The following MALRD1 variants were observed in gnomAD, a reference collection of about 807,000 sequenced individuals.
MALRD1 encodes the protein MAM and LDL receptor class A domain containing 1.
In MALRD1, 247 loss-of-function variants were observed where a neutral mutation model predicts 242.1. The ratio of observed to expected loss-of-function variants is 1.02; its 90% confidence interval spans 0.92 to 1.13. The LOEUF (loss-of-function observed/expected upper bound fraction) is 1.13. Ranked by LOEUF, MALRD1 falls within the 50% of genes most tolerant of loss-of-function variation. The pLI, the probability that MALRD1 is intolerant of heterozygous loss-of-function variation, is 0.00. For synonymous variants in MALRD1, 995 were observed against 866.6 expected (o/e 1.15, Z -2.60); for missense variants, 2,989 against 2,533.1 (o/e 1.18, Z -3.86).
At position 19,103,583 on chromosome 10, in the gene MALRD1, A is replaced by G. The variant is rs538806180; in HGVS notation, c.598-396A>G. Among the ~76,000 whole-genome samples, 3 of 149,074 alleles carry G rather than the reference A, an allele frequency of 2.0e-5. No homozygotes were observed. The South Asian group carries it at 6.4e-4, about 32-fold the overall frequency. ...AAAAAAAATAAATAAAGATTTAGAG[A>G]ACCAAAGGGGAAGATGGGACACAAT... On this transcript the variant is annotated intron_variant, in intron 4 of 39. Transcript: ENST00000454679.
chr10:19,498,316 A>C (rs1005862451), intron 30 of MALRD1, among the ~76,000 whole-genome samples, 169 bp from the exon 31 acceptor site: 1 of 152,254 alleles, frequency 6.6e-6, no homozygotes, highest in Non-Finnish European at 1.5e-5. Context: ...CACTGCTTCT[A>C]GATCCTTCAA....
At chr10:19,147,450 T>C (rs570035633) in intron 11 of MALRD1, among the ~76,000 whole-genome samples, 13 of 152,340 alleles carry the variant, frequency 8.5e-5, no homozygotes, top group African/African-American at 2.9e-4. Flanking sequence ...GACTCATTTC[T>C]TTAACATTTT....
At position 19,058,361 on chromosome 10, in the gene MALRD1, A is replaced by G. The variant is rs571096786; in HGVS notation, c.200-8358A>G. On this transcript the variant is annotated intron_variant, in intron 1 of 39. Coordinates refer to ENST00000454679, the MANE Select transcript of MALRD1 (RefSeq NM_001142308.3). ...CCAGACACCAAAAATTTCTAAAGAT[A>G]AAATGTTAAATATTAACAACGAAGC... Among the ~76,000 whole-genome samples the G allele has an allele frequency of 1.2e-4, 18 of 152,348 alleles. 1 individual carries two copies. In the South Asian group the frequency reaches 2.9e-3, roughly 25 times the overall value.
At chr10:19,442,261 C>T (rs1438591259) in intron 28 of MALRD1, among the ~76,000 whole-genome samples, 1 of 152,164 alleles carries the variant, frequency 6.6e-6, no homozygotes, top group African/African-American at 2.4e-5. Context: ...TCTAAATATA[C>T]AATCATGTCA....
At chr10:19,502,225 T>C (rs1486355891) in intron 31 of MALRD1, among the ~76,000 whole-genome samples, 1 of 151,922 alleles carries the variant, frequency 6.6e-6, no homozygotes, top group Non-Finnish European at 1.5e-5. Flanking sequence ...TATTTATCAA[T>C]TTTACATTAC....
intron 28 of MALRD1, among the ~76,000 whole-genome samples, chr10:19,404,039 T>A (rs1477202035): frequency 2.0e-5 from 3 of 152,098 alleles, no homozygotes; most frequent in Non-Finnish European, 2.9e-5. Flanking sequence ...GTGAGGTTTT[T>A]AAAAAATGTC....
upstream of MALRD1, among the ~76,000 whole-genome samples, chr10:19,048,010 C>T (rs1025421943): frequency 6.6e-6 from 1 of 152,146 alleles, no homozygotes; most frequent in African/African-American, 2.4e-5. Flanking sequence ...CTATAATATT[C>T]ACGCTCATAA....
chr10:19,338,897 ATATAT>A lies in MALRD1; in HGVS notation c.3901+7321_3901+7325del, dbSNP rs375129957. Among the ~76,000 whole-genome samples, 157 of 144,338 alleles carry A rather than the reference ATATAT, an allele frequency of 1.1e-3. 2 individuals are homozygous for A. The highest frequency in any genetic ancestry group is 5.6e-3 in the East Asian group (29 of 5,142). The allele number at this position is 144,338 out of a possible 152,430, so 94.7% of individuals were successfully genotyped here. On this transcript the variant is annotated intron_variant, in intron 24 of 39. Coordinates refer to ENST00000454679, the MANE Select transcript of MALRD1 (RefSeq NM_001142308.3). Reference sequence around the variant, plus strand: ...TACACACACACACGCACATATATACATATATTATATATATAAAACTACATATATAC... The same window carrying A: ...TACACACACACACGCACATATATACATATATATATAAAACTACATATATAC...
intron 28 of MALRD1, among the ~76,000 whole-genome samples, chr10:19,390,310 C>T (rs1010497278): frequency 6.6e-6 from 1 of 152,130 alleles, no homozygotes; most frequent in Non-Finnish European, 1.5e-5. Context: ...TAATAATAGA[C>T]ATTCTGGTTC....
intron 18 of MALRD1, among the ~76,000 whole-genome samples, chr10:19,240,724 C>G (rs960203386): frequency 9.2e-5 from 14 of 152,140 alleles, no homozygotes; most frequent in African/African-American, 3.1e-4. Context: ...GCCTTTACTG[C>G]ATTGAGGTAC....
intron 28 of MALRD1, among the ~76,000 whole-genome samples, chr10:19,391,091 A>G (rs1050680684): frequency 6.6e-6 from 1 of 152,058 alleles, no homozygotes; most frequent in African/African-American, 2.4e-5. Flanking sequence ...CAAACTTTTT[A>G]TTTCTAGAAA....
At chr10:19,229,664 TC>T (rs1374129182) in intron 18 of MALRD1, among the ~76,000 whole-genome samples, 1 of 152,130 alleles carries the variant, frequency 6.6e-6, no homozygotes, top group African/African-American at 2.4e-5. Context: ...CTTTTTGTCC[TC>T]CCATGATGAA....
chr10:19,251,862 G>A (rs1393421760), intron 18 of MALRD1, among the ~76,000 whole-genome samples: 1 of 151,906 alleles, frequency 6.6e-6, no homozygotes. Context: ...ATGATGATGA[G>A]GGAGTTCTCA....
chr10:19,553,470 C>A (rs1226076220), intron 32 of MALRD1, among the ~76,000 whole-genome samples: 1 of 151,954 alleles, frequency 6.6e-6, no homozygotes, highest in East Asian at 1.9e-4. Flanking sequence ...TTTATCATTT[C>A]AACAGCTTGT....
chr10:19,627,023 G>C (rs1238259259), intron 36 of MALRD1, among the ~76,000 whole-genome samples: 1 of 151,968 alleles, frequency 6.6e-6, no homozygotes, highest in Non-Finnish European at 1.5e-5. Flanking sequence ...ACTTGGAAAA[G>C]AATAAAAAGT....
chr10:19,283,171 G>T lies in MALRD1; in HGVS notation c.3409G>T (p.Asp1137Tyr). The T allele has an allele frequency of 1.3e-6, 2 of 1,542,534 alleles. No individual in the cohort carries two copies. The highest frequency in any genetic ancestry group is 8.8e-7 in the Non-Finnish European group (1 of 1,142,804). Residue 1137 changes from aspartate to tyrosine, a missense_variant, in exon 21 of 40, where the codon GAT becomes TAT. Transcript: ENST00000454679. ...GGAAGAAAACCACAGGCCATCAGTG[G>T]ATCATACACAGTAAGTGACCATGTA... is the stretch of plus-strand genomic sequence containing the variant. ...HGEENHRPSV[D>Y]HTQNTTDGWY...
At chr10:19,060,701 T>C (rs997892184) in intron 1 of MALRD1, among the ~76,000 whole-genome samples, 1 of 152,178 alleles carries the variant, frequency 6.6e-6, no homozygotes, top group Non-Finnish European at 1.5e-5. Flanking sequence ...GGTTCTAACT[T>C]TCCTAGAGGC....
At chr10:19,234,777 T>C (rs1219903564) in intron 18 of MALRD1, among the ~76,000 whole-genome samples, 2 of 152,150 alleles carry the variant, frequency 1.3e-5, no homozygotes, top group Non-Finnish European at 2.9e-5. Flanking sequence ...ATGGAGTTTA[T>C]TTTAAAGAGA....
At chr10:19,339,080 A>T (rs1166535129) in intron 24 of MALRD1, among the ~76,000 whole-genome samples, 1 of 151,674 alleles carries the variant, frequency 6.6e-6, no homozygotes, top group Non-Finnish European at 1.5e-5. Flanking sequence ...ACACACACAC[A>T]TCCCTAGGAG....
Sources: allele counts gnomAD v4.1 joint callset (sites outside exome capture counted in the v4.1 genomes callset), GRCh38; gene constraint gnomAD v4.1.1; transcripts MANE v1.5; gene names NCBI Gene and HGNC (gene_info 2026-07-23, HGNC 2026-07-21).